Variants in MAP10 observed in about 807,000 individuals in gnomAD.
MAP10 encodes the protein microtubule-associated protein 10.
Under a neutral mutation model 6.3 loss-of-function variants are expected in MAP10, and 10 were observed. The ratio of observed to expected loss-of-function variants is 1.58; its 90% CI spans 0.98 to 2.69. The LOEUF (loss-of-function observed/expected upper bound fraction) is 2.69. Among genes scored for constraint, MAP10 ranks in the 30% most tolerant of loss-of-function variants. MAP10 has a pLI of 0.00. For synonymous variants in MAP10, 459 were observed against 429.3 expected, an observed-to-expected ratio of 1.07 and a Z score of -0.86; for missense variants, 1,189 against 1,086.5, an observed-to-expected ratio of 1.09 and a Z score of -1.33.
Position 232,805,686 on chromosome 1 carries a change from C to T in MAP10, c.237C>T (p.Ala79=), listed in dbSNP as rs761649060. The T allele has an allele frequency of 3.0e-5, 48 of 1,603,232 alleles. No homozygotes were observed. The Admixed American group carries it at 7.2e-4, about 24-fold the overall frequency. The change falls in exon 1 of 1, where the codon GCC becomes GCT. Residue 79 remains alanine (A), a synonymous_variant. Transcript: ENST00000418460. ...CTCCTGACGGCCCCGGCGCTCCCGC[C>T]GCCGAACCGTGGCCCGGTGTCATCC... ...VYPPDGPGAP[A]AEPWPGVIRF...
chr1:232,806,274 T>TG, the MAP10 span: 1 of 1,613,976 alleles, frequency 6.2e-7, no homozygotes. Context: ...CATGTTCAGG[T>TG]GCTGGCAATG....
Position 232,805,600 on chromosome 1 carries a change from C to G in MAP10, c.151C>G (p.Arg51Gly). 6.4e-7 allele frequency: 1 copy of G among 1,559,010 alleles called. No individual in the cohort carries two copies. The change falls in exon 1 of 1, where the codon CGC becomes GGC. Residue 51 changes from arginine (R) to glycine (G), a missense_variant. By Grantham distance (125) the Arg-to-Gly change is moderately radical. Coordinates refer to ENST00000418460, the MANE Select transcript of MAP10 (RefSeq NM_019090.3). ...GGAGCAGGGGGAGGCCTCGTCGCCG[C>G]GCGGTCTGTGCCCCGCCGTGGCCTT... Reference protein sequence around the residue: ...EKEQGEASSPRGLCPAVAFRL... With the variant: ...EKEQGEASSPGGLCPAVAFRL...
At position 232,807,713 on chromosome 1, in the gene MAP10, G is replaced by A. The variant is rs562868409; in HGVS notation, c.2264G>A (p.Ser755Asn). ...ACAGGAGTGTCCAAAAAGAAAAATAGTAGTGACAGGAGTTCTATCCTTAGC... is the reference window on the plus strand; with the variant it reads ...ACAGGAGTGTCCAAAAAGAAAAATAATAGTGACAGGAGTTCTATCCTTAGC... Reference protein sequence around the residue: ...SDTGVSKKKNSSDRSSILSPP... With the variant: ...SDTGVSKKKNNSDRSSILSPP... Residue 755 changes from serine to asparagine, a missense_variant, in exon 1 of 1, where the codon AGT (serine) becomes AAT (asparagine). Ser to Asn is a conservative substitution (Grantham distance 46). Transcript: ENST00000418460. 6 of 1,613,724 alleles carry A rather than the reference G, an allele frequency of 3.7e-6. No homozygotes were observed. The highest frequency in any genetic ancestry group is 3.3e-5 in the Admixed American group (2 of 60,002).
rs1167247537 is a variant in MAP10, at chr1:232,805,754, C to G, written c.305C>G (p.Ala102Gly). 2 of 1,602,870 alleles carry G rather than the reference C, an allele frequency of 1.2e-6. No homozygotes were observed. Among genetic ancestry groups the G allele is most frequent in the South Asian group, 2.2e-5 (2 of 90,702 alleles). The change falls in exon 1 of 1, where the codon GCT (alanine) becomes GGT (glycine). Residue 102 changes from alanine to glycine, a missense_variant. Transcript: ENST00000418460. ...GKSCLFRLQP[A>G]TLHCRLLRTP... The stretch of plus-strand genomic sequence containing the variant: ...TCCTGCCTCTTCCGCCTGCAGCCTG[C>G]TACCCTGCACTGCCGGCTCCTGCGG...
rs969601551 is a variant in MAP10, at chr1:232,809,804, C to G, written c.*1637C>G. On this transcript the variant is annotated 3_prime_UTR_variant, in exon 1 of 1. Transcript: ENST00000418460. ...ATAAAGCATATAGTATAACATTTCA[C>G]AAAATCAAAATATTGTAATGCCAGG... Among the ~76,000 whole-genome samples, 3 of 151,934 alleles carry G rather than the reference C, an allele frequency of 2.0e-5. No individual in the cohort carries two copies. The highest frequency in any genetic ancestry group is 7.2e-5 in the African/African-American group (3 of 41,402).
In MAP10 at chr1:232,808,742, C is replaced by G. The variant is rs1473660406; in HGVS notation, c.*575C>G. 6.6e-6 allele frequency among the ~76,000 whole-genome samples: 1 copy of G among 152,054 alleles called. No homozygotes were observed. Among genetic ancestry groups the G allele is most frequent in the African/African-American group, 2.4e-5 (1 of 41,410 alleles). On this transcript the variant is annotated 3_prime_UTR_variant, in exon 1 of 1. Coordinates refer to ENST00000418460, the MANE Select transcript of MAP10 (RefSeq NM_019090.3). ...TTATAAGCCACAATTTGTGTGATTA[C>G]TTGATTAAAGTTTATCTTCCACTAG...
rs774884882 is a variant in MAP10, at chr1:232,805,732, T to A, written c.283T>A (p.Cys95Ser). 6.2e-7 allele frequency: 1 copy of A among 1,604,790 alleles called. No homozygotes were observed. Among genetic ancestry groups the A allele is most frequent in the Non-Finnish European group, 8.5e-7 (1 of 1,179,228 alleles). The change falls in exon 1 of 1, where the codon TGC becomes AGC. Residue 95 changes from cysteine (C) to serine (S), a missense_variant. Transcript: ENST00000418460. ...GVIRFGRGKS[C>S]LFRLQPATLH... ...CATCCGCTTCGGTCGCGGCAAGTCC[T>A]GCCTCTTCCGCCTGCAGCCTGCTAC...
Position 232,806,264 on chromosome 1 carries a change from C to A in MAP10, c.815C>A (p.Thr272Lys). ...VENGKTNSVV[T>K]CSGAGNGRNV... ...AATGGCAAAACCAATTCTGTTGTTA[C>A]ATGTTCAGGTGCTGGCAATGGGAGA... Residue 272 changes from threonine (T) to lysine (K), a missense_variant, in exon 1 of 1, where the codon ACA (threonine) becomes AAA (lysine). By Grantham distance (78) the Thr-to-Lys change is moderately conservative. Coordinates refer to ENST00000418460, the MANE Select transcript of MAP10 (RefSeq NM_019090.3). 1 of 1,613,988 alleles carries A rather than the reference C, an allele frequency of 6.2e-7. No homozygotes were observed. The highest frequency in any genetic ancestry group is 8.5e-7 in the Non-Finnish European group (1 of 1,179,896).
In MAP10 at chr1:232,809,893, T is replaced by C. The variant is rs1166689904; in HGVS notation, c.*1726T>C. On this transcript the variant is annotated 3_prime_UTR_variant, in exon 1 of 1. Coordinates refer to ENST00000418460, the MANE Select transcript of MAP10 (RefSeq NM_019090.3). The stretch of plus-strand genomic sequence containing the variant: ...TTGTTTAATAGCAATTTGTCATTAC[T>C]ATGGAAGAGACAATAAAAATATAAG... Among the ~76,000 whole-genome samples, 2 of 152,130 alleles carry C rather than the reference T, an allele frequency of 1.3e-5. No individual in the cohort carries two copies. Among genetic ancestry groups the C allele is most frequent in the African/African-American group, 2.4e-5 (1 of 41,440 alleles).
Position 232,805,972 on chromosome 1 carries a change from A to T in MAP10, c.523A>T (p.Ile175Phe). ...HNRVGERTGDIALAYRLTDLG... is the reference protein window; with the variant it reads ...HNRVGERTGDFALAYRLTDLG... ...TCGAGTGGGCGAGCGGACTGGGGAC[A>T]TTGCACTGGCCTACCGCCTGACTGA... is the stretch of plus-strand genomic sequence containing the variant. Residue 175 changes from isoleucine (I) to phenylalanine (F), a missense_variant, in exon 1 of 1, where the codon ATT becomes TTT. Ile to Phe is a conservative substitution (Grantham distance 21). Coordinates refer to ENST00000418460, the MANE Select transcript of MAP10 (RefSeq NM_019090.3). The T allele has an allele frequency of 6.2e-7, 1 of 1,613,410 alleles. No individual in the cohort carries two copies. The highest frequency in any genetic ancestry group is 8.5e-7 in the Non-Finnish European group (1 of 1,179,818).
chr1:232,808,305 A>G lies in MAP10; in HGVS notation c.*138A>G. The stretch of plus-strand genomic sequence containing the variant: ...TTAACGTTATTCCTTTGATGTTTAA[A>G]TGGTATTTTACCATTAAATCTGATA... On this transcript the variant is annotated 3_prime_UTR_variant, in exon 1 of 1. Transcript: ENST00000418460. 1.8e-6 allele frequency: 1 copy of G among 542,710 alleles called. No individual in the cohort carries two copies. The highest frequency in any genetic ancestry group is 3.2e-6 in the Non-Finnish European group (1 of 310,034). 33.6% of individuals were successfully genotyped at this position (542,710 alleles called of 1,614,324 possible).
In MAP10 at chr1:232,807,860, G is replaced by T; in HGVS notation, c.2411G>T (p.Trp804Leu). 6.2e-7 allele frequency: 1 copy of T among 1,613,154 alleles called. No homozygotes were observed. Among genetic ancestry groups the T allele is most frequent in the Non-Finnish European group, 8.5e-7 (1 of 1,179,556 alleles). The change falls in exon 1 of 1, where the codon TGG becomes TTG. Residue 804 changes from tryptophan to leucine, a missense_variant. Trp to Leu is a moderately conservative substitution (Grantham distance 61). Transcript: ENST00000418460. ...ISASDLSSTHWTEQKENQIDQ... is the reference protein window; with the variant it reads ...ISASDLSSTHLTEQKENQIDQ... ...GCTAGTGATTTATCTTCAACACATT[G>T]GACTGAACAAAAAGAAAACCAGATA...
rs1331410325 is a variant in MAP10, at chr1:232,808,039, G to A, written c.2590G>A (p.Val864Ile). The A allele has an allele frequency of 6.2e-7, 1 of 1,613,188 alleles. No individual in the cohort carries two copies. The highest frequency in any genetic ancestry group is 8.5e-7 in the Non-Finnish European group (1 of 1,179,324). The change falls in exon 1 of 1, where the codon GTC becomes ATC. Residue 864 changes from valine (V) to isoleucine (I), a missense_variant. By Grantham distance (29) the Val-to-Ile change is conservative (BLOSUM62 3). Transcript: ENST00000418460. ...YLPSNVSELN[V>I]LDSSTSDHFE... ...GCCTTCAAATGTGTCCGAACTTAATGTCCTGGATAGCAGTACATCAGATCA... is the reference window on the plus strand; with the variant it reads ...GCCTTCAAATGTGTCCGAACTTAATATCCTGGATAGCAGTACATCAGATCA...
In MAP10 at chr1:232,807,767, A is replaced by ACTC; in HGVS notation, c.2319_2321dup (p.Ser774dup). ...CCTTTTTCAGCCGGGTCACCTGTACACTCATACAGAAAATTTCATATTTCA... is the reference window on the plus strand; with the variant it reads ...CCTTTTTCAGCCGGGTCACCTGTACACTCCTCATACAGAAAATTTCATATTTCA... On this transcript the variant is annotated inframe_insertion, in exon 1 of 1. Coordinates refer to ENST00000418460, the MANE Select transcript of MAP10 (RefSeq NM_019090.3). 2 of 1,613,408 alleles carry ACTC rather than the reference A, an allele frequency of 1.2e-6. No homozygotes were observed. Among genetic ancestry groups the ACTC allele is most frequent in the Non-Finnish European group, 1.7e-6 (2 of 1,179,730 alleles).
In MAP10 at chr1:232,805,891, G is replaced by T; in HGVS notation, c.442G>T (p.Gly148Trp). ...GGCCACCGCAGCGCACAGGGTCGTG[G>T]GGCCGGCCGCCTCCGGATGCTCCCA... ...SLATAAHRVV[G>W]PAASGCSHRH... The change falls in exon 1 of 1, where the codon GGG becomes TGG. Residue 148 changes from glycine (G) to tryptophan (W), a missense_variant. Gly to Trp is a radical substitution (Grantham distance 184). Coordinates refer to ENST00000418460, the MANE Select transcript of MAP10 (RefSeq NM_019090.3). The T allele has an allele frequency of 6.2e-7, 1 of 1,603,064 alleles. No individual in the cohort carries two copies. The highest frequency in any genetic ancestry group is 2.3e-5 in the East Asian group (1 of 44,242).
chr1:232,805,848 G>C lies in MAP10; in HGVS notation c.399G>C (p.Gly133=), dbSNP rs1387612430. Residue 133 remains glycine (G), a synonymous_variant, in exon 1 of 1, where the codon GGG becomes GGC. Coordinates refer to ENST00000418460, the MANE Select transcript of MAP10 (RefSeq NM_019090.3). ...CGACGCCCACCCCACAGCTCCTGGGGGCCTGCGACATTTCGCTGGCCACCG... is the reference window on the plus strand; with the variant it reads ...CGACGCCCACCCCACAGCTCCTGGGCGCCTGCGACATTTCGCTGGCCACCG... ...GRPTPTPQLL[G]ACDISLATAA... 2 of 1,590,678 alleles carry C rather than the reference G, an allele frequency of 1.3e-6. No individual in the cohort carries two copies. Among genetic ancestry groups the C allele is most frequent in the Admixed American group, 3.5e-5 (2 of 57,626 alleles).
Position 232,807,263 on chromosome 1 carries a change from G to T in MAP10, c.1814G>T (p.Cys605Phe). The T allele has an allele frequency of 2.5e-6, 4 of 1,613,070 alleles. No individual in the cohort carries two copies. The highest frequency in any genetic ancestry group is 3.4e-6 in the Non-Finnish European group (4 of 1,179,474). Residue 605 changes from cysteine (C) to phenylalanine (F), a missense_variant, in exon 1 of 1, where the codon TGT becomes TTT. Cys to Phe is a radical substitution (Grantham distance 205, BLOSUM62 -2). Coordinates refer to ENST00000418460, the MANE Select transcript of MAP10 (RefSeq NM_019090.3). ...KYATEKKTVD[C>F]SKNRINNVSL... ...GCAACTGAAAAAAAGACAGTTGATT[G>T]TAGTAAAAATAGAATCAATAATGTT...
rs370076210 is a variant in MAP10 at position 232,806,512 on chromosome 1, C to A, written c.1063C>A (p.Pro355Thr). 83 of 1,613,790 alleles carry A rather than the reference C, an allele frequency of 5.1e-5. No individual in the cohort carries two copies. Among genetic ancestry groups the A allele is most frequent in the Non-Finnish European group, 5.7e-5 (67 of 1,179,884 alleles). The part of the protein sequence containing the change: ...PPAHRSCLKH[P>T]SSAAHEHPPM... ...AGCACACAGGAGTTGTCTAAAGCATCCAAGTTCTGCAGCACACGAACATCC... is the reference window on the plus strand; with the variant it reads ...AGCACACAGGAGTTGTCTAAAGCATACAAGTTCTGCAGCACACGAACATCC... The change falls in exon 1 of 1, where the codon CCA becomes ACA. Residue 355 changes from proline to threonine, a missense_variant. By Grantham distance (38) the Pro-to-Thr change is conservative. Transcript: ENST00000418460.
rs1315028267 is a variant in MAP10, at chr1:232,805,723, G to A, written c.274G>A (p.Gly92Ser). ...GCCCGGTGTCATCCGCTTCGGTCGC[G>A]GCAAGTCCTGCCTCTTCCGCCTGCA... ...PWPGVIRFGR[G>S]KSCLFRLQPA... The change falls in exon 1 of 1, where the codon GGC (glycine) becomes AGC (serine). Residue 92 changes from glycine (G) to serine (S), a missense_variant. Physicochemically the swap from Gly to Ser is moderately conservative, Grantham distance 56. Coordinates refer to ENST00000418460, the MANE Select transcript of MAP10 (RefSeq NM_019090.3). 1 of 1,604,110 alleles carries A rather than the reference G, an allele frequency of 6.2e-7. No homozygotes were observed. The highest frequency in any genetic ancestry group is 8.5e-7 in the Non-Finnish European group (1 of 1,179,284).
Sources: gnomAD v4.1 joint callset for allele counts (sites outside exome capture counted in the v4.1 genomes callset) on GRCh38, gnomAD v4.1.1 for gene constraint, MANE v1.5 for transcripts, NCBI Gene and HGNC (gene_info 2026-07-23, HGNC 2026-07-21) for gene names.